Variants in TRMT11 observed in about 807,000 individuals in gnomAD.
TRMT11 encodes tRNA (guanine(10)-N(2))-methyltransferase TRMT11.
TRMT11 carries 53 observed loss-of-function variants against 62.8 expected under a neutral mutation model. The observed-to-expected ratio is 0.84, with a 90% CI of 0.68 to 1.06. The LOEUF is 1.06. TRMT11 is among the 50% of genes least tolerant of loss of function. TRMT11 has a pLI of 0.00. For synonymous variants in TRMT11, 188 were observed against 190.3 expected (o/e 0.99, Z 0.10); for missense variants, 556 against 553.4 (o/e 1.00, Z -0.05).
intron 17 of TRMT11, among the ~76,000 whole-genome samples, chr6:126,069,733 T>G (rs957126272): frequency 6.6e-5 from 10 of 152,184 alleles, no homozygotes; most frequent in African/African-American, 2.4e-4. Context: ...TTCAGAGACA[T>G]CATCTTCTCT....
intron 17 of TRMT11, among the ~76,000 whole-genome samples, chr6:126,100,158 G>A (rs1374701782): frequency 1.3e-5 from 2 of 152,166 alleles, no homozygotes; most frequent in Non-Finnish European, 2.9e-5. Context: ...ATGATGCAGA[G>A]GAAGGAGACG....
At chr6:126,108,459 A>G (rs1265566564) in intron 17 of TRMT11, among the ~76,000 whole-genome samples, 2 of 152,192 alleles carry the variant, frequency 1.3e-5, no homozygotes, top group African/African-American at 2.4e-5. Flanking sequence ...TAAAATATAA[A>G]TGTATGTGCC....
chr6:126,252,776 C>T, the TRMT11 span, among the ~76,000 whole-genome samples: 1 of 152,260 alleles, frequency 6.6e-6, no homozygotes, highest in African/African-American at 2.4e-5. Flanking sequence ...GTCAAGATGA[C>T]TCTCTTTAGG....
chr6:126,060,455 C>A (rs777959094), intron 17 of TRMT11, among the ~76,000 whole-genome samples: 8 of 152,212 alleles, frequency 5.3e-5, no homozygotes, highest in South Asian at 2.1e-4. Flanking sequence ...GCAGTACCCC[C>A]ACCTCTCCTT....
At chr6:126,045,037 T>C (rs1406421721) in intron 16 of TRMT11, among the ~76,000 whole-genome samples, 1 of 151,908 alleles carries the variant, frequency 6.6e-6, no homozygotes, top group Non-Finnish European at 1.5e-5. Context: ...AATACAAAAA[T>C]TACCCAGGCA....
chr6:126,225,324 G>T, the TRMT11 span, among the ~76,000 whole-genome samples: 1 of 152,094 alleles, frequency 6.6e-6, no homozygotes, highest in African/African-American at 2.4e-5. Context: ...GAGAGAGGGG[G>T]CCACTCCATG....
At chr6:126,087,642 C>T (rs1257327106) in intron 17 of TRMT11, among the ~76,000 whole-genome samples, 7 of 152,208 alleles carry the variant, frequency 4.6e-5, no homozygotes, top group Admixed American at 1.3e-4. Context: ...ACGTGCCACA[C>T]AGGCAATGAA....
chr6:126,029,845 A>C (rs561602956), intron 12 of TRMT11, among the ~76,000 whole-genome samples: 3 of 152,304 alleles, frequency 2.0e-5, no homozygotes, highest in Admixed American at 1.3e-4. Context: ...GAAAGTGTTA[A>C]TACTTCTATG....
chr6:126,003,828 C>T (rs1792919931), intron 7 of TRMT11, among the ~76,000 whole-genome samples: 2 of 152,098 alleles, frequency 1.3e-5, no homozygotes, highest in African/African-American at 4.8e-5. Context: ...TTTCCCTTAG[C>T]TTGTCATTTA....
chr6:126,208,104 A>G (rs1778806526), downstream of TRMT11, among the ~76,000 whole-genome samples: 1 of 152,234 alleles, frequency 6.6e-6, no homozygotes, highest in Non-Finnish European at 1.5e-5. Flanking sequence ...TTATCTAGGG[A>G]TCTCAATCCT....
At chr6:126,237,065 TAGAG>T in the TRMT11 span, among the ~76,000 whole-genome samples, 6,296 of 142,344 alleles carry the variant, frequency 0.044, 418 homozygotes, top group African/African-American at 0.14. Context: ...CTCCTAGAGA[TAGAG>T]AGAGAGAGAG....
the TRMT11 span, among the ~76,000 whole-genome samples, chr6:126,245,152 A>G: frequency 3.3e-5 from 5 of 152,202 alleles, no homozygotes; most frequent in African/African-American, 1.2e-4. Context: ...TATGTGAGCA[A>G]TTATTCTAGG....
downstream of TRMT11, among the ~76,000 whole-genome samples, chr6:126,208,736 G>GAAAC (rs1273031802): frequency 2.0e-5 from 3 of 152,176 alleles, no homozygotes; most frequent in Non-Finnish European, 4.4e-5. Context: ...ACGATTCATA[G>GAAAC]AAACAACTTT....
At chr6:126,119,413 TC>T (rs1173041909) in intron 21 of TRMT11, among the ~76,000 whole-genome samples, 1 of 150,968 alleles carries the variant, frequency 6.6e-6, no homozygotes, top group East Asian at 2.0e-4. Flanking sequence ...ATGGCCATAG[TC>T]CTGGGAAAGG....
At chr6:126,159,964 G>C (rs1405532555) in intron 21 of TRMT11, among the ~76,000 whole-genome samples, 3 of 152,124 alleles carry the variant, frequency 2.0e-5, no homozygotes, top group African/African-American at 7.2e-5. Context: ...GATAAAAAAA[G>C]TGTGAAATAA....
intron 1 of TRMT11, among the ~76,000 whole-genome samples, chr6:125,987,868 T>G (rs1196318846): frequency 6.6e-6 from 1 of 152,202 alleles, no homozygotes; most frequent in Non-Finnish European, 1.5e-5. Context: ...CAACCTGAGA[T>G]GACCAAGAGG....
intron 3 of TRMT11, among the ~76,000 whole-genome samples, chr6:125,996,944 C>G (rs1791617147): frequency 1.3e-5 from 2 of 152,164 alleles, no homozygotes; most frequent in Non-Finnish European, 2.9e-5. Context: ...AGGTCGTTAA[C>G]AGGCCTTATT....
At chr6:126,055,138 T>C (rs1776332862) in intron 17 of TRMT11, among the ~76,000 whole-genome samples, 2 of 152,160 alleles carry the variant, frequency 1.3e-5, no homozygotes, top group Non-Finnish European at 2.9e-5. Context: ...CTAAGTTTTA[T>C]ATGTTTTGTA....
At chr6:126,208,237 G>A (rs186315240), downstream of TRMT11, among the ~76,000 whole-genome samples, 4 of 152,144 alleles carry the variant, frequency 2.6e-5, no homozygotes, top group South Asian at 4.1e-4. Flanking sequence ...TCTCATATAC[G>A]TTTCTAAAGG....
Sources: allele counts gnomAD v4.1 joint callset (sites outside exome capture counted in the v4.1 genomes callset), GRCh38; gene constraint gnomAD v4.1.1; transcripts MANE v1.5; gene names NCBI Gene and HGNC (gene_info 2026-07-23, HGNC 2026-07-21).